Variants in RASSF3 observed in about 807,000 individuals in gnomAD.
RASSF3 encodes the protein Ras association domain family member 3.
In RASSF3, 19 loss-of-function variants were observed where a neutral mutation model predicts 19.9. The ratio of observed to expected loss-of-function variants is 0.96; its 90% CI spans 0.67 to 1.40. The LOEUF is 1.40. Ranked by LOEUF, RASSF3 falls within the 40% of genes most tolerant of loss-of-function variation. The pLI, the probability that RASSF3 is intolerant of heterozygous loss-of-function variation, is 0.00. For missense variants in RASSF3, 306 were observed against 289.8 expected, an observed-to-expected ratio of 1.06 and a Z score of -0.41; for synonymous variants, 110 against 104.2, an observed-to-expected ratio of 1.06 and a Z score of -0.34.
chr12:64,654,946 T>G (rs957581334), intron 1 of RASSF3: 2 of 152,200 alleles, frequency 1.3e-5, no homozygotes, highest in Non-Finnish European at 2.9e-5. Context: ...TTCTCTCATC[T>G]CCAAGTAAAT....
At chr12:64,677,004 A>C (rs1234252314) in intron 1 of RASSF3, among the ~76,000 whole-genome samples, 2 of 150,120 alleles carry the variant, frequency 1.3e-5, no homozygotes, top group Admixed American at 6.6e-5. Flanking sequence ...CTGGGCTCGA[A>C]GGATCCACCT....
At chr12:64,573,610 C>T (rs1052488897) in intron 2 of RASSF3, among the ~76,000 whole-genome samples, 2 of 152,156 alleles carry the variant, frequency 1.3e-5, no homozygotes, top group African/African-American at 2.4e-5. Flanking sequence ...CTTCCAAACT[C>T]AGTCATGTGT....
chr12:64,566,897 C>T (rs889914560), intron 2 of RASSF3, among the ~76,000 whole-genome samples: 1 of 152,064 alleles, frequency 6.6e-6, no homozygotes. Flanking sequence ...AGGTGGGGAC[C>T]GAGGGCAAAA....
At chr12:64,684,435 G>GTTTTTT (rs56163162) in intron 1 of RASSF3, among the ~76,000 whole-genome samples, 10 of 131,178 alleles carry the variant, frequency 7.6e-5, no homozygotes, top group Admixed American at 3.1e-4. Flanking sequence ...TTGTTTGTTT[G>GTTTTTT]TTTTTTTTTT....
chr12:64,590,547 G>A (rs1421753144), intron 2 of RASSF3, among the ~76,000 whole-genome samples: 1 of 152,148 alleles, frequency 6.6e-6, no homozygotes, highest in East Asian at 1.9e-4. Context: ...AGTAGTTTTA[G>A]ACTATTTATT....
At chr12:64,527,635 A>T in intron 1 of RASSF3, among the ~76,000 whole-genome samples, 1 of 152,250 alleles carries the variant, frequency 6.6e-6, no homozygotes, top group South Asian at 2.1e-4. Context: ...TTTTTAAAAC[A>T]TTAAAATTGA....
chr12:64,571,721 C>T (rs557814291), intron 2 of RASSF3, among the ~76,000 whole-genome samples: 1 of 152,076 alleles, frequency 6.6e-6, no homozygotes, highest in Non-Finnish European at 1.5e-5. Flanking sequence ...CAGAGAGATT[C>T]GTGACACTTT....
intron 1 of RASSF3, among the ~76,000 whole-genome samples, chr12:64,611,179 G>A (rs1052697529): frequency 1.3e-5 from 2 of 152,194 alleles, no homozygotes; most frequent in South Asian, 2.1e-4. Context: ...TTGGGTCAAC[G>A]TGTAATAGCT....
intron 1 of RASSF3, among the ~76,000 whole-genome samples, chr12:64,679,428 A>G (rs563902746): frequency 4.2e-4 from 64 of 152,306 alleles, no homozygotes; most frequent in African/African-American, 1.4e-3. Flanking sequence ...TTTAATTTTG[A>G]TATAATTTCA....
In RASSF3 at chr12:64,610,528, C is replaced by T; in HGVS notation, c.-105C>T. ...GGCGGCCGCAGCTGCATAAGGACTG[C>T]CCGGGGCTGCGCGCCGGGAACCTCG... is the stretch of plus-strand genomic sequence containing the variant. On this transcript the variant is annotated 5_prime_UTR_variant, in exon 1 of 5. Coordinates refer to ENST00000542104, the MANE Select transcript of RASSF3 (RefSeq NM_178169.4). 7.2e-6 allele frequency: 3 copies of T among 417,044 alleles called. No homozygotes were observed. Among genetic ancestry groups the T allele is most frequent in the Non-Finnish European group, 1.2e-5 (3 of 257,788 alleles). 25.8% of individuals were successfully genotyped at this position (417,044 alleles called of 1,614,324 possible). A position where few individuals can be genotyped will look rare whatever the true frequency, so the allele number is the denominator to read the frequency against.
intron 1 of RASSF3, among the ~76,000 whole-genome samples, chr12:64,642,951 C>T (rs1716490): frequency 0.29 from 43,290 of 151,340 alleles, 6,741 homozygotes; most frequent in Non-Finnish European, 0.36. Context: ...CTGCAACCTC[C>T]GCCTCTGGGG....
chr12:64,521,431 C>G (rs1868477274), intron 1 of RASSF3, among the ~76,000 whole-genome samples: 1 of 152,134 alleles, frequency 6.6e-6, no homozygotes. Flanking sequence ...ATGAGTATGT[C>G]CTTGGTGTCA....
intron 1 of RASSF3, among the ~76,000 whole-genome samples, chr12:64,533,815 G>A (rs1868765973): frequency 6.6e-6 from 1 of 152,232 alleles, no homozygotes; most frequent in African/African-American, 2.4e-5. Flanking sequence ...AATGCATGCA[G>A]GCTTGCAGTC....
At chr12:64,642,086 T>TTTTATTATTTCTATATA (rs1242080861) in intron 1 of RASSF3, among the ~76,000 whole-genome samples, 1 of 152,152 alleles carries the variant, frequency 6.6e-6, no homozygotes, top group Non-Finnish European at 1.5e-5. Context: ...TTATAATTAT[T>TTTTATTATTTCTATATA]TGTTGCAAAT....
At chr12:64,543,410 T>TCCCGCCCCCCCGCTCCCCG (rs1868977068), downstream of RASSF3, among the ~76,000 whole-genome samples, 1 of 72,686 alleles carries the variant, frequency 1.4e-5, no homozygotes, top group African/African-American at 4.4e-5. Flanking sequence ...TGCCTGAGTT[T>TCCCGCCCCCCCGCTCCCCG]CCCGCCCCCC....
At chr12:64,674,028 A>G (rs774902282) in intron 1 of RASSF3, among the ~76,000 whole-genome samples, 1 of 152,136 alleles carries the variant, frequency 6.6e-6, no homozygotes, top group Non-Finnish European at 1.5e-5. Context: ...GAAGGCCCAG[A>G]TGAAGCTCTT....
At position 64,610,990 on chromosome 12, in the gene RASSF3, A is replaced by T. The variant is rs1592417827; in HGVS notation, c.111+247A>T. Among the ~76,000 whole-genome samples, 3 of 152,208 alleles carry T rather than the reference A, an allele frequency of 2.0e-5. 1 individual carries two copies. The South Asian group carries it at 6.2e-4, about 31-fold the overall frequency. ...AGGGCCGGCTTCTGCCTTCCGCGCC[A>T]GATGGCCTCTGCAGCTCCGCCTCGG... On this transcript the variant is annotated intron_variant, in intron 1 of 4. Transcript: ENST00000542104.
At chr12:64,642,196 A>G (rs935974431) in intron 1 of RASSF3, among the ~76,000 whole-genome samples, 1 of 152,154 alleles carries the variant, frequency 6.6e-6, no homozygotes, top group Non-Finnish European at 1.5e-5. Context: ...CTTCTGGCTT[A>G]GCAATTGTAC....
intron 1 of RASSF3, among the ~76,000 whole-genome samples, chr12:64,619,825 CA>C (rs1870684554): frequency 1.3e-5 from 2 of 151,796 alleles, no homozygotes; most frequent in Admixed American, 1.3e-4. Context: ...ACTAAAAATA[CA>C]AAAATTAGGC....
Sources: allele counts gnomAD v4.1 joint callset (sites outside exome capture counted in the v4.1 genomes callset), GRCh38; gene constraint gnomAD v4.1.1; transcripts MANE v1.5; gene names NCBI Gene and HGNC (gene_info 2026-07-23, HGNC 2026-07-21).